FOXP1: variants seen among roughly 807,000 people sequenced by gnomAD.
The protein encoded by FOXP1 is forkhead box protein P1.
A neutral mutation model predicts 98.2 loss-of-function variants in FOXP1; 15 were observed. The ratio of observed to expected loss-of-function variants is 0.15; its 90% CI spans 0.10 to 0.24. The LOEUF is 0.24. Ranked by LOEUF, FOXP1 falls within the 10% of genes least tolerant of loss-of-function variation. The probability of loss-of-function intolerance (pLI) is 1.00; values close to 1 mark genes in which losing one functional copy is unlikely to be tolerated. For missense variants in FOXP1, 633 were observed against 848.5 expected, an observed-to-expected ratio of 0.75 and a Z score of 3.15; for synonymous variants, 371 against 314.5, an observed-to-expected ratio of 1.18 and a Z score of -1.90.
intron 6 of FOXP1, among the ~76,000 whole-genome samples, chr3:71,170,788 G>A (rs149245589): frequency 1.3e-5 from 2 of 152,242 alleles, no homozygotes; most frequent in African/African-American, 4.8e-5. Flanking sequence ...TATTGCTGAG[G>A]CATGCGGCAA....
intron 19 of FOXP1, chr3:70,970,491 G>A (rs564693157): frequency 2.0e-6 from 1 of 511,012 alleles, no homozygotes; most frequent in South Asian, 2.1e-5. Context: ...TTATGATACT[G>A]CTGATAAATA....
At chr3:71,521,275 T>C (rs536800486) in intron 2 of FOXP1, among the ~76,000 whole-genome samples, 27 of 152,302 alleles carry the variant, frequency 1.8e-4, no homozygotes, top group Admixed American at 2.0e-4. Context: ...CTCAGGCCTG[T>C]AATCCCAGTA....
At chr3:71,015,743 C>T in intron 11 of FOXP1, 90 bp from the exon 12 acceptor site, 1 of 824,910 alleles carries the variant, frequency 1.2e-6, no homozygotes, top group Admixed American at 1.9e-5. Context: ...GAGGAGCCCA[C>T]ATGGCCAAAT....
chr3:70,974,378 G>A (rs2037047629), intron 17 of FOXP1, among the ~76,000 whole-genome samples: 1 of 151,936 alleles, frequency 6.6e-6, no homozygotes, highest in Admixed American at 6.6e-5. Flanking sequence ...GCTCACTGAA[G>A]CCTTGTATTC....
intron 5 of FOXP1, among the ~76,000 whole-genome samples, chr3:71,251,624 G>A (rs2068195431): frequency 6.6e-6 from 1 of 152,174 alleles, no homozygotes; most frequent in East Asian, 1.9e-4. Flanking sequence ...GCAGGAAGCT[G>A]AGCCATCTAC....
intron 3 of FOXP1, among the ~76,000 whole-genome samples, chr3:71,434,665 TAAGG>T (rs1236726481): frequency 6.7e-6 from 1 of 149,430 alleles, no homozygotes; most frequent in Non-Finnish European, 1.5e-5. Context: ...TGTGTGTGTG[TAAGG>T]AAGGGGATGG....
chr3:71,227,221 A>G (rs975849781), intron 5 of FOXP1, among the ~76,000 whole-genome samples: 3 of 152,056 alleles, frequency 2.0e-5, no homozygotes, highest in Non-Finnish European at 2.9e-5. Flanking sequence ...TATGATCCTC[A>G]TGTCTCCTCG....
intron 13 of FOXP1, among the ~76,000 whole-genome samples, chr3:70,993,919 G>T (rs567527091): frequency 2.0e-5 from 3 of 151,642 alleles, no homozygotes. Context: ...GCTTGAACCC[G>T]GGAGGTGGAA....
intron 5 of FOXP1, among the ~76,000 whole-genome samples, chr3:71,246,005 C>G (rs574145065): frequency 2.0e-5 from 3 of 151,964 alleles, no homozygotes; most frequent in Admixed American, 6.6e-5. Context: ...ACCACCCCCC[C>G]CCCACCACAA....
At chr3:71,579,623 TTC>T (rs2047994818) in intron 2 of FOXP1, among the ~76,000 whole-genome samples, 2 of 112,304 alleles carry the variant, frequency 1.8e-5, no homozygotes, top group African/African-American at 7.0e-5. Context: ...TTTCTTTTTT[TTC>T]TTTTTTCTTT....
intron 2 of FOXP1, among the ~76,000 whole-genome samples, chr3:71,516,943 G>T (rs556933319): frequency 1.8e-4 from 27 of 152,304 alleles, no homozygotes; most frequent in Admixed American, 2.0e-4. Flanking sequence ...CCAGGGCCAC[G>T]TGTGTGTCTC....
intron 2 of FOXP1, among the ~76,000 whole-genome samples, chr3:71,564,645 T>G (rs566109262): frequency 8.5e-5 from 13 of 152,212 alleles, no homozygotes; most frequent in Non-Finnish European, 1.0e-4. Context: ...CCTTGGCCAG[T>G]GATGCAGGCT....
At chr3:71,486,647 G>C (rs568182056) in intron 3 of FOXP1, among the ~76,000 whole-genome samples, 1 of 152,294 alleles carries the variant, frequency 6.6e-6, no homozygotes, top group Non-Finnish European at 1.5e-5. Flanking sequence ...TTAGCTAAAT[G>C]ATAGCTTATA....
intron 4 of FOXP1, among the ~76,000 whole-genome samples, chr3:71,350,656 GT>G (rs1003401483): frequency 1.3e-5 from 2 of 152,166 alleles, no homozygotes; most frequent in Admixed American, 1.3e-4. Flanking sequence ...CATTGAAGAT[GT>G]CAAGCATTAG....
At chr3:71,398,856 A>G (rs1007649336) in intron 3 of FOXP1, among the ~76,000 whole-genome samples, 4 of 152,192 alleles carry the variant, frequency 2.6e-5, no homozygotes, top group African/African-American at 9.7e-5. Context: ...ACAATGCAAA[A>G]TAAGATATAT....
At chr3:71,046,639 G>C (rs756354090) in intron 10 of FOXP1, among the ~76,000 whole-genome samples, 1 of 152,154 alleles carries the variant, frequency 6.6e-6, no homozygotes, top group African/African-American at 2.4e-5. Flanking sequence ...CAGAAACACT[G>C]CAAGAGTCCA....
At chr3:71,111,023 C>T (rs994442181) in intron 7 of FOXP1, among the ~76,000 whole-genome samples, 3 of 152,220 alleles carry the variant, frequency 2.0e-5, no homozygotes, top group Non-Finnish European at 4.4e-5. Context: ...TGAACTCTCT[C>T]TGGAAAGTGA....
At chr3:71,367,791 A>G (rs1164388961) in intron 3 of FOXP1, among the ~76,000 whole-genome samples, 3 of 152,240 alleles carry the variant, frequency 2.0e-5, no homozygotes, top group African/African-American at 7.2e-5. Flanking sequence ...TCCTTAAGAA[A>G]TAAGAATTTG....
At chr3:71,018,560 C>T (rs1386349596) in intron 11 of FOXP1, among the ~76,000 whole-genome samples, 1 of 152,178 alleles carries the variant, frequency 6.6e-6, no homozygotes, top group Non-Finnish European at 1.5e-5. Flanking sequence ...TATTTTAAAA[C>T]ATGGAAACAT....
Sources: gnomAD v4.1 joint callset for allele counts (sites outside exome capture counted in the v4.1 genomes callset) on GRCh38, gnomAD v4.1.1 for gene constraint, MANE v1.5 for transcripts, NCBI Gene and HGNC (gene_info 2026-07-23, HGNC 2026-07-21) for gene names.